LINGO2: variants seen among roughly 807,000 people sequenced by gnomAD.
LINGO2 encodes leucine rich repeat and Ig domain containing 2, also known as leucine-rich repeat and immunoglobulin-like domain-containing nogo receptor-interacting protein 2.
Under a neutral mutation model 30.6 loss-of-function variants are expected in LINGO2, and 14 were observed. The observed-to-expected ratio is 0.46, with a 90% CI of 0.30 to 0.72. LINGO2 has a LOEUF of 0.72. Ranked by LOEUF, LINGO2 falls within the 30% of genes least tolerant of loss-of-function variation. The probability of loss-of-function intolerance (pLI) is 0.07; values close to 1 mark genes in which losing one functional copy is unlikely to be tolerated. For synonymous variants in LINGO2, 317 were observed against 288.5 expected, an observed-to-expected ratio of 1.10 and a Z score of -1.00; for missense variants, 729 against 751.7, an observed-to-expected ratio of 0.97 and a Z score of 0.35.
chr9:27,960,328 C>T (rs902226259), intron 5 of LINGO2, among the ~76,000 whole-genome samples: 6 of 152,180 alleles, frequency 3.9e-5, no homozygotes, highest in African/African-American at 1.4e-4. Context: ...CCACTGGAAA[C>T]ACACTTGAAG....
At chr9:28,095,715 C>T (rs1826224123) in intron 4 of LINGO2, among the ~76,000 whole-genome samples, 1 of 152,094 alleles carries the variant, frequency 6.6e-6, no homozygotes, top group Admixed American at 6.6e-5. Flanking sequence ...AAAATGGGAT[C>T]TAATTAAATT....
At chr9:28,366,307 T>G (rs1820674111) in intron 3 of LINGO2, among the ~76,000 whole-genome samples, 1 of 152,188 alleles carries the variant, frequency 6.6e-6, no homozygotes, top group Non-Finnish European at 1.5e-5. Flanking sequence ...TTCATCCCTC[T>G]TATGTGATCT....
At chr9:28,374,551 T>C (rs1821045802) in intron 2 of LINGO2, among the ~76,000 whole-genome samples, 1 of 152,080 alleles carries the variant, frequency 6.6e-6, no homozygotes, top group Non-Finnish European at 1.5e-5. Context: ...AGACCTCCAA[T>C]AACTCCTTTC....
intron 4 of LINGO2, among the ~76,000 whole-genome samples, chr9:28,233,048 AT>A (rs61596134): frequency 0.012 from 1,391 of 120,030 alleles, 93 homozygotes; most frequent in African/African-American, 0.043. Context: ...ATATATATAT[AT>A]ATATATATAT....
At chr9:28,222,341 T>C (rs146408735) in intron 4 of LINGO2, among the ~76,000 whole-genome samples, 77 of 152,298 alleles carry the variant, frequency 5.1e-4, no homozygotes, top group African/African-American at 1.5e-3. Flanking sequence ...TATATGACAT[T>C]GTTCCCATAA....
intron 1 of LINGO2, among the ~76,000 whole-genome samples, chr9:28,497,488 G>A (rs1324185926): frequency 2.6e-5 from 4 of 152,246 alleles, no homozygotes; most frequent in African/African-American, 7.2e-5. Context: ...TGTAGTTCTT[G>A]TGCCATGGTT....
chr9:28,053,940 T>A (rs1378882027), intron 4 of LINGO2, among the ~76,000 whole-genome samples: 1 of 151,936 alleles, frequency 6.6e-6, no homozygotes. Context: ...GTAACAGATA[T>A]GGGGTAAAAA....
intron 5 of LINGO2, among the ~76,000 whole-genome samples, chr9:27,966,700 C>T (rs992979257): frequency 6.6e-6 from 1 of 151,976 alleles, no homozygotes; most frequent in Non-Finnish European, 1.5e-5. Context: ...AACAAACCTG[C>T]ATGTTCAGCA....
the LINGO2 span, among the ~76,000 whole-genome samples, chr9:29,152,043 G>A: frequency 7.9e-5 from 12 of 152,178 alleles, no homozygotes; most frequent in African/African-American, 2.6e-4. Context: ...CATACAAGTG[G>A]CCAACAAACA....
At chr9:28,830,356 A>G in the LINGO2 span, among the ~76,000 whole-genome samples, 1 of 152,156 alleles carries the variant, frequency 6.6e-6, no homozygotes, top group African/African-American at 2.4e-5. Context: ...CGCAGCATGC[A>G]TTTGTCAAAA....
At chr9:28,558,873 T>C (rs1031768469) in intron 1 of LINGO2, among the ~76,000 whole-genome samples, 2 of 152,104 alleles carry the variant, frequency 1.3e-5, no homozygotes, top group South Asian at 2.1e-4. Flanking sequence ...AGAAGTGGTA[T>C]TCCCAAAAAA....
the LINGO2 span, among the ~76,000 whole-genome samples, chr9:28,949,826 C>T: frequency 6.6e-6 from 1 of 152,088 alleles, no homozygotes; most frequent in South Asian, 2.1e-4. Context: ...AAATTCAGGC[C>T]AATATCCCTG....
the LINGO2 span, among the ~76,000 whole-genome samples, chr9:29,111,937 A>ACATATATTTATATATGTGTGTATATATG: frequency 3.3e-5 from 5 of 149,258 alleles, no homozygotes; most frequent in African/African-American, 1.2e-4. Flanking sequence ...GTGTATATAT[A>ACATATATTTATATATGTGTGTATATATG]ATGTATTTAA....
At chr9:28,589,205 A>G (rs1038684238) in intron 1 of LINGO2, among the ~76,000 whole-genome samples, 4 of 152,072 alleles carry the variant, frequency 2.6e-5, no homozygotes, top group Admixed American at 6.6e-5. Flanking sequence ...TACTGAATGG[A>G]CAAAAACTGG....
intron 1 of LINGO2, among the ~76,000 whole-genome samples, chr9:28,607,122 A>G (rs929358344): frequency 6.6e-6 from 1 of 152,024 alleles, no homozygotes; most frequent in African/African-American, 2.4e-5. Flanking sequence ...ATGCTTCTCA[A>G]AGAGGACTAA....
intron 4 of LINGO2, among the ~76,000 whole-genome samples, chr9:28,077,500 A>C (rs1825659178): frequency 1.3e-5 from 2 of 152,164 alleles, no homozygotes; most frequent in African/African-American, 4.8e-5. Flanking sequence ...ATTCACTTAA[A>C]ACTATTATTA....
chr9:28,016,836 T>G (rs1489066018), intron 4 of LINGO2, among the ~76,000 whole-genome samples: 2 of 152,064 alleles, frequency 1.3e-5, no homozygotes, highest in African/African-American at 4.8e-5. Context: ...CCTCGACTCA[T>G]TCTATCAAAT....
intron 3 of LINGO2, among the ~76,000 whole-genome samples, chr9:28,344,027 C>T (rs1037156445): frequency 2.6e-5 from 4 of 152,128 alleles, no homozygotes; most frequent in Non-Finnish European, 1.5e-5. Context: ...AGTAATGTCT[C>T]TCTGTGTATC....
At chr9:28,553,955 T>G (rs1278716943) in intron 1 of LINGO2, among the ~76,000 whole-genome samples, 1 of 151,730 alleles carries the variant, frequency 6.6e-6, no homozygotes, top group Non-Finnish European at 1.5e-5. Context: ...TGCTGAGAGA[T>G]TTTGTCACCA....
Sources: gnomAD v4.1 joint callset for allele counts (sites outside exome capture counted in the v4.1 genomes callset) on GRCh38, gnomAD v4.1.1 for gene constraint, MANE v1.5 for transcripts, NCBI Gene and HGNC (gene_info 2026-07-23, HGNC 2026-07-21) for gene names.